DGKB: variants seen among roughly 807,000 people sequenced by gnomAD.
DGKB encodes diacylglycerol kinase beta, also known as 90 kDa diacylglycerol kinase.
A neutral mutation model predicts 114.3 loss-of-function variants in DGKB; 67 were observed. That is an observed-to-expected ratio of 0.59 (90% CI 0.48 to 0.72). The LOEUF (loss-of-function observed/expected upper bound fraction) is 0.72. Ranked by LOEUF, DGKB falls within the 30% of genes least tolerant of loss-of-function variation. DGKB has a pLI of 0.00. For missense variants in DGKB, 907 were observed against 975.2 expected, an observed-to-expected ratio of 0.93 and a Z score of 0.93; for synonymous variants, 398 against 323.1, an observed-to-expected ratio of 1.23 and a Z score of -2.49.
intron 21 of DGKB, among the ~76,000 whole-genome samples, 188 bp from the exon 22 acceptor site, chr7:14,345,579 G>A (rs1243591890): frequency 1.3e-5 from 2 of 151,630 alleles, no homozygotes; most frequent in Non-Finnish European, 3.0e-5. Context: ...ATGGCCTTGA[G>A]GGAATTATAA....
At chr7:14,530,958 A>T (rs1791488121) in intron 20 of DGKB, among the ~76,000 whole-genome samples, 1 of 151,602 alleles carries the variant, frequency 6.6e-6, no homozygotes, top group Admixed American at 6.6e-5. Flanking sequence ...AACCAAAAAA[A>T]TCTATAAAAT....
chr7:14,243,318 G>C (rs780336793), intron 23 of DGKB, among the ~76,000 whole-genome samples: 3 of 152,154 alleles, frequency 2.0e-5, no homozygotes, highest in Admixed American at 2.0e-4. Context: ...CCTGTTGCTA[G>C]TGTGAATGGA....
chr7:14,467,523 A>G (rs1260379782), intron 21 of DGKB, among the ~76,000 whole-genome samples: 3 of 152,064 alleles, frequency 2.0e-5, no homozygotes, highest in Non-Finnish European at 4.4e-5. Flanking sequence ...TGTATGATGT[A>G]ATTATTATGC....
chr7:14,282,781 A>C (rs561921556), intron 23 of DGKB, among the ~76,000 whole-genome samples: 1 of 152,174 alleles, frequency 6.6e-6, no homozygotes, highest in Non-Finnish European at 1.5e-5. Context: ...ATCTCAATAG[A>C]TGCAGAAAAG....
At chr7:14,973,058 T>G (rs1787567799) in intron 1 of DGKB, among the ~76,000 whole-genome samples, 1 of 152,028 alleles carries the variant, frequency 6.6e-6, no homozygotes. Context: ...AAGGCTTATT[T>G]TAAAATAGAA....
intron 19 of DGKB, among the ~76,000 whole-genome samples, chr7:14,577,072 G>A (rs2128716103): frequency 6.6e-6 from 1 of 152,114 alleles, no homozygotes; most frequent in East Asian, 1.9e-4. Context: ...AGAAGATCAT[G>A]ATTTTAAAAA....
chr7:14,331,401 T>C (rs1447403548), intron 23 of DGKB, among the ~76,000 whole-genome samples: 1 of 151,966 alleles, frequency 6.6e-6, no homozygotes, highest in African/African-American at 2.4e-5. Context: ...TTGCCGGTGT[T>C]TGAACGCCAA....
intron 13 of DGKB, among the ~76,000 whole-genome samples, chr7:14,662,742 A>C (rs553655160): frequency 1.3e-5 from 2 of 152,010 alleles, no homozygotes; most frequent in East Asian, 3.9e-4. Context: ...GTTAACTTTA[A>C]AAAGGTGAAA....
At chr7:14,433,525 T>G (rs1828794484) in intron 21 of DGKB, among the ~76,000 whole-genome samples, 1 of 152,036 alleles carries the variant, frequency 6.6e-6, no homozygotes, top group Non-Finnish European at 1.5e-5. Context: ...TCTACGGTGG[T>G]GACATCCTTG....
At chr7:14,167,459 A>G (rs10950511) in intron 25 of DGKB, among the ~76,000 whole-genome samples, 4,669 of 152,044 alleles carry the variant, frequency 0.031, 163 homozygotes, top group African/African-American at 0.08. Flanking sequence ...GCCTTGGATT[A>G]TTGGTCAGAG....
intron 1 of DGKB, among the ~76,000 whole-genome samples, chr7:14,866,308 G>A (rs217554): frequency 0.57 from 85,872 of 151,846 alleles, 25,482 homozygotes; most frequent in Non-Finnish European, 0.66. Flanking sequence ...TCTCTCTTGC[G>A]CATTCTATGG....
chr7:14,551,964 C>G (rs549577314), intron 20 of DGKB, among the ~76,000 whole-genome samples: 1 of 151,892 alleles, frequency 6.6e-6, no homozygotes, highest in African/African-American at 2.4e-5. Context: ...TTATTAAGCC[C>G]TAATGTTCTA....
At chr7:14,266,542 G>C (rs1368811277) in intron 23 of DGKB, among the ~76,000 whole-genome samples, 2 of 152,168 alleles carry the variant, frequency 1.3e-5, no homozygotes, top group Non-Finnish European at 2.9e-5. Flanking sequence ...AAAGGCTAGA[G>C]ATGATGTCAT....
intron 17 of DGKB, among the ~76,000 whole-genome samples, chr7:14,587,524 G>T (rs958214775): frequency 6.6e-6 from 1 of 152,130 alleles, no homozygotes; most frequent in East Asian, 1.9e-4. Context: ...TGAGAAGACT[G>T]ACTCAAATTC....
chr7:14,458,018 GC>G (rs1164899021), intron 21 of DGKB, among the ~76,000 whole-genome samples: 1 of 152,128 alleles, frequency 6.6e-6, no homozygotes, highest in African/African-American at 2.4e-5. Flanking sequence ...GTGGGCTAGC[GC>G]CCTCTGCTGG....
chr7:14,822,441 C>T (rs192617942), intron 2 of DGKB, among the ~76,000 whole-genome samples: 9 of 151,970 alleles, frequency 5.9e-5, no homozygotes, highest in Admixed American at 2.0e-4. Flanking sequence ...GATCTAGAAG[C>T]GAGACAGTTG....
Position 14,701,669 on chromosome 7 carries a change from G to GA in DGKB, c.516+11dup, listed in dbSNP as rs759895331. ...TTGAAGTTTTCACAGAAACTTTGAAGAAAAAAATTACCGAGCTGTCCAGGA... is the reference window on the plus strand; with the variant it reads ...TTGAAGTTTTCACAGAAACTTTGAAGAAAAAAAATTACCGAGCTGTCCAGGA... On this transcript the variant is annotated intron_variant, in intron 7 of 25. Transcript: ENST00000402815. 2.5e-6 allele frequency: 4 copies of GA among 1,597,968 alleles called. No individual in the cohort carries two copies. The highest frequency in any genetic ancestry group is 2.6e-6 in the Non-Finnish European group (3 of 1,166,618).
intron 12 of DGKB, among the ~76,000 whole-genome samples, chr7:14,677,302 TAAG>T (rs1457988583): frequency 2.0e-5 from 3 of 151,566 alleles, no homozygotes; most frequent in African/African-American, 7.3e-5. Context: ...TAGAGGAAAA[TAAG>T]AAGAGAAATA....
intron 13 of DGKB, among the ~76,000 whole-genome samples, chr7:14,646,865 T>A (rs1291933912): frequency 6.6e-6 from 1 of 151,538 alleles, no homozygotes; most frequent in Non-Finnish European, 1.5e-5. Flanking sequence ...AACACCTATA[T>A]AAAAAATTAA....
Sources: gnomAD v4.1 joint callset for allele counts (sites outside exome capture counted in the v4.1 genomes callset) on GRCh38, gnomAD v4.1.1 for gene constraint, MANE v1.5 for transcripts, NCBI Gene and HGNC (gene_info 2026-07-23, HGNC 2026-07-21) for gene names.